RBFOX1: variants seen among roughly 807,000 people sequenced by gnomAD.
RBFOX1 encodes the protein RNA binding protein fox-1 homolog 1.
In RBFOX1, 8 loss-of-function variants were observed where a neutral mutation model predicts 57.7. The ratio of observed to expected loss-of-function variants is 0.14; its 90% CI spans 0.08 to 0.25. The LOEUF (loss-of-function observed/expected upper bound fraction) is 0.25, where lower values mean the gene tolerates loss of function less well. RBFOX1 is among the 10% of genes least tolerant of loss of function. The pLI is 1.00. For synonymous variants in RBFOX1, 326 were observed against 222.4 expected (o/e 1.47, Z -4.15); for missense variants, 611 against 548.5 (o/e 1.11, Z -1.14).
chr16:7,372,910 T>C (rs76109748), intron 4 of RBFOX1, among the ~76,000 whole-genome samples: 2,297 of 150,576 alleles, frequency 0.015, 61 homozygotes, highest in African/African-American at 0.053. Flanking sequence ...TTGAAATTTA[T>C]AGGAATTTAA....
At chr16:7,247,943 G>A (rs910024390) in intron 4 of RBFOX1, among the ~76,000 whole-genome samples, 1 of 152,104 alleles carries the variant, frequency 6.6e-6, no homozygotes, top group Non-Finnish European at 1.5e-5. Context: ...ATGAGTACTA[G>A]GCTTAATACC....
intron 1 of RBFOX1, among the ~76,000 whole-genome samples, chr16:6,208,614 G>C (rs1478126346): frequency 6.6e-6 from 1 of 152,196 alleles, no homozygotes; most frequent in African/African-American, 2.4e-5. Context: ...TGACGGTGTT[G>C]TGAAGAAATA....
chr16:6,151,090 G>A (rs1459170634), intron 1 of RBFOX1, among the ~76,000 whole-genome samples: 1 of 152,232 alleles, frequency 6.6e-6, no homozygotes, highest in Non-Finnish European at 1.5e-5. Context: ...GCAGGACTAT[G>A]ACTATGGTTT....
chr16:7,486,413 A>C (rs2065408560), intron 4 of RBFOX1, among the ~76,000 whole-genome samples: 1 of 151,974 alleles, frequency 6.6e-6, no homozygotes. Flanking sequence ...CTGGGATTAT[A>C]GGTGTGAGCC....
At chr16:6,025,683 G>C (rs1313447658) in intron 1 of RBFOX1, among the ~76,000 whole-genome samples, 2 of 152,144 alleles carry the variant, frequency 1.3e-5, no homozygotes, top group Non-Finnish European at 2.9e-5. Context: ...GTAGGTGTGG[G>C]CCAGGGTAAT....
chr16:6,505,361 G>A (rs549908309), intron 2 of RBFOX1, among the ~76,000 whole-genome samples: 3 of 152,244 alleles, frequency 2.0e-5, no homozygotes, highest in East Asian at 1.9e-4. Flanking sequence ...ACACATTTAT[G>A]ATTAGTAAAA....
chr16:7,521,362 T>C (rs1190635731), intron 5 of RBFOX1, among the ~76,000 whole-genome samples: 1 of 152,166 alleles, frequency 6.6e-6, no homozygotes, highest in Non-Finnish European at 1.5e-5. Context: ...TTCCACGTTA[T>C]AAGCAATGGG....
intron 1 of RBFOX1, among the ~76,000 whole-genome samples, chr16:6,257,188 G>C (rs771946052): frequency 2.7e-4 from 41 of 152,116 alleles, no homozygotes; most frequent in Non-Finnish European, 5.0e-4. Flanking sequence ...TGCCACAGTG[G>C]TTTGCTGCAC....
At chr16:7,265,921 G>T (rs537081938) in intron 4 of RBFOX1, among the ~76,000 whole-genome samples, 1 of 144,472 alleles carries the variant, frequency 6.9e-6, no homozygotes, top group East Asian at 2.1e-4. Context: ...GCTTGGTGCT[G>T]TCTTCACGAC....
chr16:5,956,648 ATATATATATT>A (rs2059644595), intron 4 of RBFOX1, among the ~76,000 whole-genome samples: 1 of 105,620 alleles, frequency 9.5e-6, no homozygotes, highest in Admixed American at 1.3e-4. Flanking sequence ...AAATATATAT[ATATATATATT>A]TATATATATA....
chr16:6,700,439 C>G (rs187532266), intron 3 of RBFOX1, among the ~76,000 whole-genome samples: 2 of 152,142 alleles, frequency 1.3e-5, no homozygotes, highest in East Asian at 3.9e-4. Context: ...AGGCGGATCA[C>G]CTGAGGTCAG....
At chr16:5,442,748 G>T (rs573755077) in intron 1 of RBFOX1, among the ~76,000 whole-genome samples, 1 of 152,128 alleles carries the variant, frequency 6.6e-6, no homozygotes, top group African/African-American at 2.4e-5. Context: ...CTGTCTCACC[G>T]TCCTCCAAAA....
At chr16:6,530,776 C>G (rs1396091205) in intron 2 of RBFOX1, among the ~76,000 whole-genome samples, 1 of 147,496 alleles carries the variant, frequency 6.8e-6, no homozygotes, top group Non-Finnish European at 1.5e-5. Context: ...TCTCATGAGA[C>G]TTATTCACTA....
intron 2 of RBFOX1, among the ~76,000 whole-genome samples, chr16:6,400,727 G>A (rs543446443): frequency 2.0e-5 from 3 of 152,092 alleles, no homozygotes; most frequent in Non-Finnish European, 4.4e-5. Flanking sequence ...GTGAAACCCT[G>A]TCTCTACAAA....
chr16:5,559,459 G>T (rs893894971), intron 2 of RBFOX1, among the ~76,000 whole-genome samples: 1 of 152,110 alleles, frequency 6.6e-6, no homozygotes, highest in African/African-American at 2.4e-5. Flanking sequence ...GTCAAAACAA[G>T]CCGAACAAGG....
intron 1 of RBFOX1, among the ~76,000 whole-genome samples, chr16:6,179,907 C>T (rs1252797631): frequency 6.6e-6 from 1 of 152,080 alleles, no homozygotes; most frequent in Non-Finnish European, 1.5e-5. Context: ...TTCTATTCCT[C>T]GGTTGTGAGG....
intron 4 of RBFOX1, among the ~76,000 whole-genome samples, chr16:7,195,244 G>A (rs754088472): frequency 1.3e-5 from 2 of 152,160 alleles, no homozygotes; most frequent in Non-Finnish European, 2.9e-5. Flanking sequence ...TGGTGATAAT[G>A]TCTCTGGCTG....
intron 4 of RBFOX1, among the ~76,000 whole-genome samples, chr16:7,063,888 C>G (rs1234387081): frequency 2.0e-5 from 3 of 152,156 alleles, no homozygotes; most frequent in Non-Finnish European, 2.9e-5. Context: ...AAATATCACT[C>G]CATTTTATAT....
rs113336155 is a variant in RBFOX1 at position 5,885,682 on chromosome 16, A to G, written c.351+18347A>G. On this transcript the variant is annotated intron_variant, in intron 4 of 19. Coordinates refer to the RBFOX1 transcript ENST00000641259. The stretch of plus-strand genomic sequence containing the variant: ...GCTAATGTTGCCCAGGGAAACTTGT[A>G]TGGACGCCAAAATAAAGAAATACGT... 7.0e-3 allele frequency among the ~76,000 whole-genome samples: 1,061 copies of G among 152,290 alleles called. 17 individuals are homozygous for G. The highest frequency in any genetic ancestry group is 0.025 in the African/African-American group (1,023 of 41,558).
Sources: gnomAD v4.1 joint callset for allele counts (sites outside exome capture counted in the v4.1 genomes callset) on GRCh38, gnomAD v4.1.1 for gene constraint, MANE v1.5 for transcripts, NCBI Gene and HGNC (gene_info 2026-07-23, HGNC 2026-07-21) for gene names.